The following MARCHF8 variants were observed in gnomAD, a reference collection of about 807,000 sequenced individuals.
The protein encoded by MARCHF8 is E3 ubiquitin-protein ligase MARCHF8.
In MARCHF8, 40 loss-of-function variants were observed where a neutral mutation model predicts 51.6. The ratio of observed to expected loss-of-function variants is 0.77; its 90% confidence interval spans 0.60 to 1.01. MARCHF8 has a LOEUF of 1.01. Ranked by LOEUF, MARCHF8 falls within the 50% of genes least tolerant of loss-of-function variation. MARCHF8 has a pLI of 0.00. For missense variants in MARCHF8, 685 were observed against 708.6 expected (o/e 0.97, Z 0.38); for synonymous variants, 263 against 280.3 (o/e 0.94, Z 0.62).
At chr10:45,547,891 C>T (rs375258898) in intron 1 of MARCHF8, among the ~76,000 whole-genome samples, 5 of 152,162 alleles carry the variant, frequency 3.3e-5, no homozygotes, top group African/African-American at 1.2e-4. Flanking sequence ...AAGTGGGTTA[C>T]TTTAAGGCAC....
chr10:45,577,175 A>T (rs893183875), intron 1 of MARCHF8, among the ~76,000 whole-genome samples: 1 of 151,966 alleles, frequency 6.6e-6, no homozygotes, highest in African/African-American at 2.4e-5. Context: ...AATCAAAACA[A>T]TTGTACTAAT....
intron 3 of MARCHF8, among the ~76,000 whole-genome samples, chr10:45,475,757 A>T (rs530457731): frequency 1.3e-5 from 2 of 152,210 alleles, no homozygotes; most frequent in South Asian, 4.1e-4. Flanking sequence ...AGCTACAAGG[A>T]GGTCCCCCAA....
At chr10:45,527,186 TAGAA>T (rs1488805857) in intron 2 of MARCHF8, among the ~76,000 whole-genome samples, 5 of 150,754 alleles carry the variant, frequency 3.3e-5, no homozygotes, top group Non-Finnish European at 7.4e-5. Flanking sequence ...TCGAAAAAAA[TAGAA>T]AGACCACAAG....
chr10:45,461,185 G>A, intron 6 of MARCHF8, 46 bp downstream of exon 6: 2 of 1,387,818 alleles, frequency 1.4e-6, no homozygotes, highest in Non-Finnish European at 1.9e-6. Context: ...GCTTTCTGGG[G>A]GTCACTGGTT....
chr10:45,487,786 G>C (rs1396536580), intron 3 of MARCHF8, among the ~76,000 whole-genome samples: 1 of 151,864 alleles, frequency 6.6e-6, no homozygotes, highest in Non-Finnish European at 1.5e-5. Context: ...AAAATAAGGT[G>C]ACCTGAATGA....
intron 3 of MARCHF8, among the ~76,000 whole-genome samples, chr10:45,485,978 A>T (rs1208906622): frequency 6.6e-6 from 1 of 152,190 alleles, no homozygotes; most frequent in Non-Finnish European, 1.5e-5. Flanking sequence ...CTCCAATAAA[A>T]AAACTGTCTT....
At chr10:45,523,695 T>C (rs1034423159) in intron 2 of MARCHF8, among the ~76,000 whole-genome samples, 6 of 152,176 alleles carry the variant, frequency 3.9e-5, no homozygotes, top group Admixed American at 1.3e-4. Context: ...CATCAAGTCC[T>C]ACAGTGATAC....
At chr10:45,469,709 CA>C (rs1843098510) in intron 3 of MARCHF8, among the ~76,000 whole-genome samples, 1 of 151,490 alleles carries the variant, frequency 6.6e-6, no homozygotes, top group Non-Finnish European at 1.5e-5. Context: ...ACTAAAAATA[CA>C]AAAAATTAGC....
chr10:45,513,493 C>T (rs1271959870), intron 2 of MARCHF8, among the ~76,000 whole-genome samples: 1 of 152,086 alleles, frequency 6.6e-6, no homozygotes, highest in African/African-American at 2.4e-5. Flanking sequence ...CTCTGGTTGT[C>T]TCAGAGCTCA....
At chr10:45,486,551 G>A (rs561853176) in intron 3 of MARCHF8, among the ~76,000 whole-genome samples, 5 of 152,144 alleles carry the variant, frequency 3.3e-5, no homozygotes, top group East Asian at 1.9e-4. Flanking sequence ...GCTACGGAGC[G>A]AGACTCTGTC....
At chr10:45,590,925 AAATAG>A (rs1413274933) in intron 1 of MARCHF8, among the ~76,000 whole-genome samples, 1 of 152,218 alleles carries the variant, frequency 6.6e-6, no homozygotes, top group Non-Finnish European at 1.5e-5. Context: ...AAAGAAGTGA[AAATAG>A]TCTTAACTGA....
chr10:45,477,101 T>A (rs900872153), intron 3 of MARCHF8, among the ~76,000 whole-genome samples: 1 of 152,010 alleles, frequency 6.6e-6, no homozygotes, highest in Non-Finnish European at 1.5e-5. Flanking sequence ...AAAAAGCATC[T>A]AGTCATTTAT....
intron 1 of MARCHF8, among the ~76,000 whole-genome samples, chr10:45,543,524 C>A (rs534790685): frequency 5.9e-5 from 9 of 152,292 alleles, no homozygotes; most frequent in Non-Finnish European, 1.2e-4. Context: ...TCTGGCCGGG[C>A]ACGGTGGCTC....
intron 1 of MARCHF8, among the ~76,000 whole-genome samples, chr10:45,563,538 T>C (rs1379878216): frequency 6.6e-6 from 1 of 152,064 alleles, no homozygotes; most frequent in African/African-American, 2.4e-5. Context: ...ACCACAAAAA[T>C]ACTTCCAAAC....
intron 3 of MARCHF8, among the ~76,000 whole-genome samples, chr10:45,467,715 C>A (rs71494784): frequency 0.011 from 1,730 of 152,182 alleles, 19 homozygotes; most frequent in Non-Finnish European, 0.014. Flanking sequence ...CAGGACCAGC[C>A]GTCCTGCTCT....
chr10:45,575,586 C>A (rs768814742), intron 1 of MARCHF8, among the ~76,000 whole-genome samples: 27 of 152,154 alleles, frequency 1.8e-4, no homozygotes, highest in Non-Finnish European at 3.5e-4. Flanking sequence ...CGCTCCTAAT[C>A]CCGCCCTGAG....
chr10:45,463,887 C>CT lies in MARCHF8; in HGVS notation c.351dup (p.Val118SerfsTer4). The CT allele has an allele frequency of 6.5e-7, 1 of 1,537,150 alleles. No homozygotes were observed. Among genetic ancestry groups the CT allele is most frequent in the Non-Finnish European group, 8.7e-7 (1 of 1,146,936 alleles). ...GCCTGTAATGTGTCCTTACAGATAA[C>CT]TGTCACAGTGAGCCCTTGTGTCAGA... On this transcript the variant is annotated frameshift_variant, in exon 5 of 8. Coordinates refer to ENST00000453424, the MANE Select transcript of MARCHF8 (RefSeq NM_001282866.2). LOFTEE classifies it high-confidence loss of function.
At chr10:45,519,694 C>T (rs148803843) in intron 2 of MARCHF8, among the ~76,000 whole-genome samples, 7 of 152,138 alleles carry the variant, frequency 4.6e-5, no homozygotes, top group South Asian at 2.1e-4. Flanking sequence ...ATGTAAAAAC[C>T]GTTTTTAGCT....
intron 2 of MARCHF8, among the ~76,000 whole-genome samples, chr10:45,531,409 T>C (rs946604391): frequency 6.6e-6 from 1 of 152,168 alleles, no homozygotes; most frequent in Non-Finnish European, 1.5e-5. Flanking sequence ...GAAATGGTAA[T>C]TATCTGAGTA....
Sources: gnomAD v4.1 joint callset for allele counts (sites outside exome capture counted in the v4.1 genomes callset) on GRCh38, gnomAD v4.1.1 for gene constraint, MANE v1.5 for transcripts, NCBI Gene and HGNC (gene_info 2026-07-23, HGNC 2026-07-21) for gene names.